The following ATRNL1 variants were observed in gnomAD, a reference collection of about 807,000 sequenced individuals.
ATRNL1 encodes the protein attractin-like protein 1.
ATRNL1 carries 95 observed loss-of-function variants against 182.7 expected under a neutral mutation model. That is an observed-to-expected ratio of 0.52 (90% CI 0.44 to 0.62). ATRNL1 has a LOEUF of 0.62. ATRNL1 is among the 20% of genes least tolerant of loss of function. The probability of loss-of-function intolerance (pLI) is 0.00; values close to 1 mark genes in which losing one functional copy is unlikely to be tolerated. For synonymous variants in ATRNL1, 576 were observed against 568.3 expected, an observed-to-expected ratio of 1.01 and a Z score of -0.19; for missense variants, 1,471 against 1,679.5, an observed-to-expected ratio of 0.88 and a Z score of 2.17.
chr10:115,404,701 T>C (rs1844736176), intron 20 of ATRNL1, among the ~76,000 whole-genome samples: 1 of 152,184 alleles, frequency 6.6e-6, no homozygotes, highest in Admixed American at 6.6e-5. Flanking sequence ...ACCTTAAGGG[T>C]CCTGTTCATT....
intron 24 of ATRNL1, among the ~76,000 whole-genome samples, chr10:115,496,783 C>T (rs547247646): frequency 8.5e-5 from 13 of 152,224 alleles, no homozygotes; most frequent in African/African-American, 3.1e-4. Context: ...GATGGGGTTC[C>T]CTTTGTAGAT....
At chr10:115,790,890 T>G (rs1285914501) in intron 27 of ATRNL1, among the ~76,000 whole-genome samples, 1 of 151,526 alleles carries the variant, frequency 6.6e-6, no homozygotes, top group Non-Finnish European at 1.5e-5. Flanking sequence ...TGTTCGGGGG[T>G]TTTTAAATGA....
intron 26 of ATRNL1, among the ~76,000 whole-genome samples, chr10:115,687,342 A>G (rs1024387696): frequency 1.3e-5 from 2 of 152,020 alleles, no homozygotes; most frequent in African/African-American, 4.8e-5. Context: ...TTTTAGATTT[A>G]TCATATAAGT....
chr10:115,797,983 T>G (rs2134227572), intron 27 of ATRNL1, among the ~76,000 whole-genome samples: 1 of 152,280 alleles, frequency 6.6e-6, no homozygotes, highest in Non-Finnish European at 1.5e-5. Context: ...AGTGGCACGA[T>G]CTCCGCTCAC....
intron 28 of ATRNL1, among the ~76,000 whole-genome samples, chr10:115,905,783 A>G (rs1952484858): frequency 6.6e-6 from 1 of 152,170 alleles, no homozygotes; most frequent in African/African-American, 2.4e-5. Flanking sequence ...CAAGAATCAC[A>G]TCTGTCATGA....
chr10:115,771,147 C>T (rs7905258), intron 27 of ATRNL1, among the ~76,000 whole-genome samples: 4,714 of 151,160 alleles, frequency 0.031, 259 homozygotes, highest in African/African-American at 0.11. Flanking sequence ...ATTTTACAGA[C>T]AAAGAAATAT....
At chr10:115,412,467 G>A (rs547679945) in intron 20 of ATRNL1, among the ~76,000 whole-genome samples, 2 of 152,160 alleles carry the variant, frequency 1.3e-5, no homozygotes, top group Admixed American at 6.5e-5. Context: ...CCTGATCCAC[G>A]GAAACAGTGA....
chr10:115,644,793 T>G (rs1205893026), intron 26 of ATRNL1, among the ~76,000 whole-genome samples: 1 of 152,216 alleles, frequency 6.6e-6, no homozygotes, highest in African/African-American at 2.4e-5. Context: ...TAAAACTACA[T>G]ATAAAGTGCT....
At chr10:115,548,507 G>A (rs920432003) in intron 25 of ATRNL1, among the ~76,000 whole-genome samples, 5 of 152,144 alleles carry the variant, frequency 3.3e-5, no homozygotes, top group Non-Finnish European at 5.9e-5. Context: ...AGTGTCCCAG[G>A]TCTGTTCACT....
chr10:115,828,119 A>T (rs1459759901), intron 27 of ATRNL1, among the ~76,000 whole-genome samples: 3 of 152,152 alleles, frequency 2.0e-5, no homozygotes, highest in Non-Finnish European at 4.4e-5. Flanking sequence ...GGAGTTCGAT[A>T]CCAGCCTGAC....
chr10:115,583,918 A>T (rs1195697508), intron 26 of ATRNL1, among the ~76,000 whole-genome samples: 9 of 151,736 alleles, frequency 5.9e-5, no homozygotes, highest in African/African-American at 1.9e-4. Context: ...ATTTTGAGAT[A>T]CGTCCCATCA....
At chr10:115,466,396 A>C (rs6585333) in intron 22 of ATRNL1, among the ~76,000 whole-genome samples, 64,147 of 150,986 alleles carry the variant, frequency 0.42, 14,388 homozygotes, top group Middle Eastern at 0.5. Flanking sequence ...TCTGAAGCTA[A>C]ACTTACCCAT....
intron 24 of ATRNL1, among the ~76,000 whole-genome samples, chr10:115,507,568 T>C (rs1278283030): frequency 1.3e-5 from 2 of 152,194 alleles, no homozygotes; most frequent in East Asian, 3.9e-4. Flanking sequence ...TCAGCTTCAC[T>C]ACTTATTGAC....
intron 10 of ATRNL1, among the ~76,000 whole-genome samples, chr10:115,259,737 C>T (rs547706901): frequency 1.2e-4 from 18 of 152,136 alleles, no homozygotes; most frequent in South Asian, 2.1e-4. Context: ...TGTTCCTATT[C>T]GGCCATCTTG....
chr10:115,908,439 G>A (rs1178539256), intron 28 of ATRNL1, among the ~76,000 whole-genome samples: 1 of 152,044 alleles, frequency 6.6e-6, no homozygotes, highest in Non-Finnish European at 1.5e-5. Flanking sequence ...GCAGGATCTG[G>A]TTGGTGGATT....
rs1247259554 is a variant in ATRNL1, at chr10:115,518,276, T to G, written c.3655-987T>G. 2.6e-5 allele frequency among the ~76,000 whole-genome samples: 4 copies of G among 151,956 alleles called. No individual in the cohort carries two copies. The East Asian group carries it at 7.7e-4, about 29-fold the overall frequency. On this transcript the variant is annotated intron_variant, in intron 24 of 28. Coordinates refer to ENST00000355044, the MANE Select transcript of ATRNL1 (RefSeq NM_207303.4). ...CAGATACTTCACCTAGTTTTCCAGT[T>G]GTTTACAGCAGGAGGGAAAACTCAT...
chr10:115,105,442 G>T (rs1305649392), intron 1 of ATRNL1, among the ~76,000 whole-genome samples: 1 of 152,218 alleles, frequency 6.6e-6, no homozygotes, highest in Non-Finnish European at 1.5e-5. Context: ...TTTCTGAGGA[G>T]AAATTTAAGC....
At chr10:115,667,076 T>G (rs1443244853) in intron 26 of ATRNL1, among the ~76,000 whole-genome samples, 2 of 152,132 alleles carry the variant, frequency 1.3e-5, no homozygotes, top group African/African-American at 4.8e-5. Flanking sequence ...AGGTATATTC[T>G]GCCTGCCCCT....
intron 20 of ATRNL1, among the ~76,000 whole-genome samples, chr10:115,406,779 G>C (rs576371828): frequency 6.6e-6 from 1 of 152,066 alleles, no homozygotes; most frequent in Non-Finnish European, 1.5e-5. Flanking sequence ...TTTTGTTGGT[G>C]ATATGTTTAG....
Sources: gnomAD v4.1 joint callset for allele counts (sites outside exome capture counted in the v4.1 genomes callset) on GRCh38, gnomAD v4.1.1 for gene constraint, MANE v1.5 for transcripts, NCBI Gene and HGNC (gene_info 2026-07-23, HGNC 2026-07-21) for gene names.